Variants in CIAO1 observed in about 807,000 individuals in gnomAD.
CIAO1 encodes cytosolic iron-sulfur assembly component 1.
CIAO1 carries 32 observed loss-of-function variants against 43.1 expected under a neutral mutation model. That is an observed-to-expected ratio of 0.74 (90% confidence interval 0.56 to 1.00). The LOEUF is 1.00. Ranked by LOEUF, CIAO1 falls within the 50% of genes least tolerant of loss-of-function variation. The pLI, the probability that CIAO1 is intolerant of heterozygous loss-of-function variation, is 0.00. For synonymous variants in CIAO1, 183 were observed against 171.4 expected (o/e 1.07, Z -0.53); for missense variants, 415 against 437.4 (o/e 0.95, Z 0.46).
rs1442968560 is a variant in CIAO1 at position 96,273,874 on chromosome 2, C to G, written c.*2523C>G. Among the ~76,000 whole-genome samples, 1 of 151,546 alleles carries G rather than the reference C, an allele frequency of 6.6e-6. No individual in the cohort carries two copies. Among genetic ancestry groups the G allele is most frequent in the Non-Finnish European group, 1.5e-5 (1 of 67,978 alleles). ...ATACTAAAGAGACTGTAAAATGCCACCCTTCTCCTTGGATTGTTTTGGAAG... is the reference window on the plus strand; with the variant it reads ...ATACTAAAGAGACTGTAAAATGCCAGCCTTCTCCTTGGATTGTTTTGGAAG... On this transcript the variant is annotated 3_prime_UTR_variant, in exon 7 of 7. Coordinates refer to ENST00000488633, the MANE Select transcript of CIAO1 (RefSeq NM_004804.3).
At chr2:96,269,729 GCTCCGT>G (rs2104318177) in intron 6 of CIAO1, among the ~76,000 whole-genome samples, 1 of 152,224 alleles carries the variant, frequency 6.6e-6, no homozygotes. Context: ...CTCACTGCAA[GCTCCGT>G]CTCCCGGGTT....
In CIAO1 at chr2:96,271,462, C is replaced by A. The variant is rs1290666666; in HGVS notation, c.*111C>A. Reference sequence around the variant, plus strand: ...TCCTTGACCTTCATTTAACTTGGCTCACTTCTCTTCAGACTTGGGTAGAAG... The same window carrying A: ...TCCTTGACCTTCATTTAACTTGGCTAACTTCTCTTCAGACTTGGGTAGAAG... On this transcript the variant is annotated 3_prime_UTR_variant, in exon 7 of 7. Coordinates refer to ENST00000488633, the MANE Select transcript of CIAO1 (RefSeq NM_004804.3). 2.3e-5 allele frequency: 31 copies of A among 1,339,442 alleles called. No homozygotes were observed. The highest frequency in any genetic ancestry group is 3.1e-5 in the Non-Finnish European group (31 of 989,496). 83.0% of individuals were successfully genotyped at this position (1,339,442 alleles called of 1,614,324 possible). A position where few individuals can be genotyped will look rare whatever the true frequency, so the allele number is the denominator to read the frequency against.
chr2:96,266,437 C>A lies in CIAO1; in HGVS notation c.87C>A (p.Thr29=). The change falls in exon 1 of 7, where the codon ACC becomes ACA. Residue 29 remains threonine, a synonymous_variant. Coordinates refer to ENST00000488633, the MANE Select transcript of CIAO1 (RefSeq NM_004804.3). The part of the protein sequence containing the change: ...CWFLAWNPAG[T]LLASCGGDRR... The stretch of plus-strand genomic sequence containing the variant: ...TCCTGGCCTGGAACCCCGCGGGGAC[C>A]CTGCTGGCCTCGTGCGGCGGCGACC... 1 of 1,560,650 alleles carries A rather than the reference C, an allele frequency of 6.4e-7. No homozygotes were observed. The highest frequency in any genetic ancestry group is 8.7e-7 in the Non-Finnish European group (1 of 1,149,130).
At chr2:96,269,035 C>G in intron 5 of CIAO1, 1 of 591,850 alleles carries the variant, frequency 1.7e-6, no homozygotes, top group East Asian at 2.8e-5. Flanking sequence ...TTCACAGGCA[C>G]GCAAAGTAGT....
Position 96,271,199 on chromosome 2 carries a change from C to T in CIAO1, c.868C>T (p.Pro290Ser), listed in dbSNP as rs2104320222. The stretch of plus-strand genomic sequence containing the variant: ...GGATCCCAACTCGGATCCACAGCAG[C>T]CCACCTTCTCCCTGACAGCCCACTT... ...QEDPNSDPQQPTFSLTAHLHQ... is the reference protein window; with the variant it reads ...QEDPNSDPQQSTFSLTAHLHQ... The change falls in exon 7 of 7, where the codon CCC becomes TCC. Residue 290 changes from proline to serine, a missense_variant. Pro to Ser is a moderately conservative substitution (Grantham distance 74). Coordinates refer to ENST00000488633, the MANE Select transcript of CIAO1 (RefSeq NM_004804.3). 2 of 1,614,238 alleles carry T rather than the reference C, an allele frequency of 1.2e-6. No individual in the cohort carries two copies. Among genetic ancestry groups the T allele is most frequent in the Non-Finnish European group, 1.7e-6 (2 of 1,180,034 alleles).
Position 96,266,495 on chromosome 2 carries a change from G to T in CIAO1, c.139+6G>T, listed in dbSNP as rs892689484. 2.7e-6 allele frequency: 4 copies of T among 1,505,048 alleles called. No individual in the cohort carries two copies. Among genetic ancestry groups the T allele is most frequent in the Non-Finnish European group, 2.7e-6 (3 of 1,117,520 alleles). The allele number at this position is 1,505,048 out of a possible 1,614,324, so 93.2% of individuals were successfully genotyped here. A position where few individuals can be genotyped will look rare whatever the true frequency, so the allele number is the denominator to read the frequency against. ...CCGCATCTGGGGCACGGAGGGTAAG[G>T]CCCAGCCTGGTTGCGCGGCCCTCAG... On this transcript the variant is annotated splice_donor_region_variant and intron_variant, in intron 1 of 6. Transcript: ENST00000488633.
chr2:96,269,602 G>T (rs1026510071), intron 6 of CIAO1, among the ~76,000 whole-genome samples: 4 of 152,168 alleles, frequency 2.6e-5, no homozygotes, highest in Non-Finnish European at 5.9e-5. Flanking sequence ...AGCTCGTGCT[G>T]TCCAGAAGTT....
chr2:96,266,520 G>T lies in CIAO1; in HGVS notation c.139+31G>T, dbSNP rs1002325843. 25 of 1,420,044 alleles carry T rather than the reference G, an allele frequency of 1.8e-5. No homozygotes were observed. The Admixed American group carries it at 2.1e-4, about 12-fold the overall frequency. 88.0% of individuals were successfully genotyped at this position (1,420,044 alleles called of 1,614,324 possible). ...GCCCAGCCTGGTTGCGCGGCCCTCA[G>T]CGCTGAGGGCTCAGCCTGCGCGTAG... On this transcript the variant is annotated intron_variant, in intron 1 of 6. Transcript: ENST00000488633.
Position 96,269,311 on chromosome 2 carries a change from T to C in CIAO1, c.735T>C (p.Cys245=). The C allele has an allele frequency of 1.2e-6, 2 of 1,614,144 alleles. No homozygotes were observed. Among genetic ancestry groups the C allele is most frequent in the Non-Finnish European group, 1.7e-6 (2 of 1,180,024 alleles). ...SGSDPSWKCI[C]TLSGFHSRTI... ...CTGACCCCAGTTGGAAATGTATCTG[T>C]ACTTTGTCCGGCTTCCACTCAAGGA... is the stretch of plus-strand genomic sequence containing the variant. Residue 245 remains cysteine, a synonymous_variant, in exon 6 of 7, where the codon TGT becomes TGC. Transcript: ENST00000488633.
In CIAO1 at chr2:96,267,865, A is replaced by G. The variant is rs1684467619; in HGVS notation, c.430A>G (p.Ser144Gly). 6.2e-7 allele frequency: 1 copy of G among 1,614,118 alleles called. No homozygotes were observed. Among genetic ancestry groups the G allele is most frequent in the Non-Finnish European group, 8.5e-7 (1 of 1,180,022 alleles). Reference protein sequence around the residue: ...VDEEDEYECVSVLNSHTQDVK... With the variant: ...VDEEDEYECVGVLNSHTQDVK... ...TGAAGAGGATGAGTATGAATGTGTC[A>G]GTGTTCTCAACTCCCACACACAGGA... Residue 144 changes from serine to glycine, a missense_variant, in exon 4 of 7, where the codon AGT (serine) becomes GGT (glycine). Transcript: ENST00000488633.
chr2:96,267,134 CAAAAAAAA>C (rs1183454827), intron 1 of CIAO1, among the ~76,000 whole-genome samples, 179 bp from the exon 2 acceptor site: 2 of 36,804 alleles, frequency 5.4e-5, no homozygotes, highest in African/African-American at 1.3e-4. Context: ...AACTCCGTCT[CAAAAAAAA>C]AAAAAAAAAA....
At position 96,271,344 on chromosome 2, in the gene CIAO1, G is replaced by C; in HGVS notation, c.1013G>C (p.Gly338Ala). 1 of 1,613,790 alleles carries C rather than the reference G, an allele frequency of 6.2e-7. No individual in the cohort carries two copies. Among genetic ancestry groups the C allele is most frequent in the Non-Finnish European group, 8.5e-7 (1 of 1,179,966 alleles). ...VAFWKYQRPE[G>A]L The stretch of plus-strand genomic sequence containing the variant: ...TTCTGGAAGTATCAGCGGCCTGAAG[G>C]CCTCTGAGCTACCTCGACTTTGGAC... Residue 338 changes from glycine to alanine, a missense_variant, in exon 7 of 7, where the codon GGC (glycine) becomes GCC (alanine). Coordinates refer to ENST00000488633, the MANE Select transcript of CIAO1 (RefSeq NM_004804.3).
chr2:96,267,526 A>G (rs2104314633), intron 2 of CIAO1, 57 bp downstream of exon 2: 1 of 1,610,244 alleles, frequency 6.2e-7, no homozygotes, highest in East Asian at 2.2e-5. Flanking sequence ...GGGCTGGTTC[A>G]GGAACCTGAG....
Position 96,274,170 on chromosome 2 carries a change from A to G in CIAO1, c.*2819A>G, listed in dbSNP as rs1310698229. Among the ~76,000 whole-genome samples the G allele has an allele frequency of 7.5e-6, 1 of 133,222 alleles. No homozygotes were observed. The highest frequency in any genetic ancestry group is 1.7e-5 in the Non-Finnish European group (1 of 59,680). The allele number at this position is 133,222 out of a possible 152,430, so 87.4% of individuals were successfully genotyped here. On this transcript the variant is annotated 3_prime_UTR_variant, in exon 7 of 7. Coordinates refer to ENST00000488633, the MANE Select transcript of CIAO1 (RefSeq NM_004804.3). ...TTTGTTATTTAAAAAGAAAAAAAAA[A>G]AAACAAAAACCTGAGTTTCTTAGTT... is the stretch of plus-strand genomic sequence containing the variant.
intron 1 of CIAO1, among the ~76,000 whole-genome samples, chr2:96,267,027 G>C (rs1214162452): frequency 2.0e-5 from 3 of 151,426 alleles, no homozygotes; most frequent in Admixed American, 6.6e-5. Flanking sequence ...CCAGCTACTC[G>C]GGAGGCTGAG....
chr2:96,266,532 C>T, intron 1 of CIAO1, 43 bp downstream of exon 1: 1 of 1,379,326 alleles, frequency 7.2e-7, no homozygotes, highest in Non-Finnish European at 9.5e-7. Flanking sequence ...GCTGAGGGCT[C>T]AGCCTGCGCG....
rs973182828 is a variant in CIAO1 at position 96,272,603 on chromosome 2, G to T, written c.*1252G>T. On this transcript the variant is annotated 3_prime_UTR_variant, in exon 7 of 7. Coordinates refer to ENST00000488633, the MANE Select transcript of CIAO1 (RefSeq NM_004804.3). ...AGGCGGGCGGATCACCTGAGGTCGG[G>T]AGTTCGAGGCCAGCCTGACCAACAT... is the stretch of plus-strand genomic sequence containing the variant. 6.6e-6 allele frequency: 1 copy of T among 152,214 alleles called. No individual in the cohort carries two copies. Among genetic ancestry groups the T allele is most frequent in the Non-Finnish European group, 1.5e-5 (1 of 68,074 alleles). 9.4% of individuals were successfully genotyped at this position (152,214 alleles called of 1,614,324 possible).
chr2:96,266,507 T>C lies in CIAO1; in HGVS notation c.139+18T>C. ...CACGGAGGGTAAGGCCCAGCCTGGT[T>C]GCGCGGCCCTCAGCGCTGAGGGCTC... On this transcript the variant is annotated intron_variant, in intron 1 of 6. Transcript: ENST00000488633. 1 of 1,473,310 alleles carries C rather than the reference T, an allele frequency of 6.8e-7. No homozygotes were observed. The highest frequency in any genetic ancestry group is 9.1e-7 in the Non-Finnish European group (1 of 1,099,640). The allele number at this position is 1,473,310 out of a possible 1,614,324, so 91.3% of individuals were successfully genotyped here. A position where few individuals can be genotyped will look rare whatever the true frequency, so the allele number is the denominator to read the frequency against.
intron 5 of CIAO1, chr2:96,268,886 A>G: frequency 1.7e-6 from 1 of 576,880 alleles, no homozygotes. Flanking sequence ...TGAGAATTCA[A>G]GTGAAAACTC....
Sources: allele counts gnomAD v4.1 joint callset (sites outside exome capture counted in the v4.1 genomes callset), GRCh38; gene constraint gnomAD v4.1.1; transcripts MANE v1.5; gene names NCBI Gene and HGNC (gene_info 2026-07-23, HGNC 2026-07-21).